The following SH3GL1 variants were observed in gnomAD, a reference collection of about 807,000 sequenced individuals.
The protein encoded by SH3GL1 is endophilin-A2.
In SH3GL1, 21 loss-of-function variants were observed where a neutral mutation model predicts 48.8. That is an observed-to-expected ratio of 0.43 (90% CI 0.30 to 0.62). The LOEUF (loss-of-function observed/expected upper bound fraction) is 0.62. Among genes scored for constraint, SH3GL1 ranks in the 20% least tolerant of loss-of-function variants. The pLI, the probability that SH3GL1 is intolerant of heterozygous loss-of-function variation, is 0.11. For synonymous variants in SH3GL1, 282 were observed against 217.5 expected, an observed-to-expected ratio of 1.30 and a Z score of -2.61; for missense variants, 454 against 503.0, an observed-to-expected ratio of 0.90 and a Z score of 0.93.
Position 4,400,500 on chromosome 19 carries a change from G to A in SH3GL1, c.-132C>T. The stretch of plus-strand genomic sequence containing the variant: ...CCACCCGCTTGCCAGCTCCGCGCCC[G>A]CCCCGGCGCCGCCTCAGCCGCTCGC... On this transcript the variant is annotated 5_prime_UTR_variant, in exon 1 of 10. Transcript: ENST00000269886. The surrounding 1 kb of genome is among the most constrained non-coding windows in gnomAD (Gnocchi z 4.1). 5 of 708,156 alleles carry A rather than the reference G, an allele frequency of 7.1e-6. No homozygotes were observed. The highest frequency in any genetic ancestry group is 1.2e-4 in the South Asian group (2 of 16,270). The allele number at this position is 708,156 out of a possible 1,614,324, so 43.9% of individuals were successfully genotyped here.
chr19:4,386,139 G>A (rs1263655567), intron 1 of SH3GL1, among the ~76,000 whole-genome samples: 2 of 152,210 alleles, frequency 1.3e-5, no homozygotes, highest in African/African-American at 4.8e-5. Context: ...ACAAAGGCTG[G>A]CCTTGAAGGG....
rs373084701 is a variant in SH3GL1 at position 4,364,185 on chromosome 19, C to T, written c.368G>A (p.Arg123His). 1.8e-5 allele frequency: 29 copies of T among 1,613,750 alleles called. No individual in the cohort carries two copies. Among genetic ancestry groups the T allele is most frequent in the East Asian group, 4.5e-5 (2 of 44,898 alleles). The part of the protein sequence containing the change: ...ALLDAGESMK[R>H]LAEVKDSLDI... Reference sequence around the variant, plus strand: ...CAGGGAGTCCTTCACCTCTGCCAGGCGCTTCATGGACTCGCCGGCATCCAG... The same window carrying T: ...CAGGGAGTCCTTCACCTCTGCCAGGTGCTTCATGGACTCGCCGGCATCCAG... Residue 123 changes from arginine to histidine, a missense_variant, in exon 5 of 10, where the codon CGC (arginine) becomes CAC (histidine). Physicochemically the swap from Arg to His is conservative, Grantham distance 29. This residue lies in a region of SH3GL1 where 176 missense variants were observed against 256.2 expected (regional missense o/e 0.69). Coordinates refer to ENST00000269886, the MANE Select transcript of SH3GL1 (RefSeq NM_003025.4).
At position 4,400,230 on chromosome 19, in the gene SH3GL1, C is replaced by T; in HGVS notation, c.45+94G>A. Reference sequence around the variant, plus strand: ...CACGCGCCAACGTCCCCACCTCGGTCCCCCCGGCCCCCTCCCGGGCCAGGT... The same window carrying T: ...CACGCGCCAACGTCCCCACCTCGGTTCCCCCGGCCCCCTCCCGGGCCAGGT... On this transcript the variant is annotated intron_variant, in intron 1 of 9. Coordinates refer to ENST00000269886, the MANE Select transcript of SH3GL1 (RefSeq NM_003025.4). This position sits in a 1 kb window ranked among gnomAD's most constrained non-coding sequence, Gnocchi z 4.1. 7.5e-7 allele frequency: 1 copy of T among 1,337,870 alleles called. No homozygotes were observed. Among genetic ancestry groups the T allele is most frequent in the South Asian group, 1.3e-5 (1 of 76,820 alleles). The allele number at this position is 1,337,870 out of a possible 1,614,324, so 82.9% of individuals were successfully genotyped here. A position where few individuals can be genotyped will look rare whatever the true frequency, so the allele number is the denominator to read the frequency against.
chr19:4,394,750 G>C (rs964489654), intron 1 of SH3GL1, among the ~76,000 whole-genome samples: 5 of 152,186 alleles, frequency 3.3e-5, no homozygotes, highest in Non-Finnish European at 1.5e-5. Flanking sequence ...ATTTAGAAAG[G>C]ACACCGTAAG....
intron 1 of SH3GL1, among the ~76,000 whole-genome samples, chr19:4,371,594 G>T (rs1340198573): frequency 6.6e-6 from 1 of 152,230 alleles, no homozygotes; most frequent in African/African-American, 2.4e-5. Context: ...GCGTGGGGGA[G>T]GGCAAGGGAG....
rs573662769 is a variant in SH3GL1, at chr19:4,363,731, G to C, written c.613C>G (p.Leu205Val). Residue 205 changes from leucine (L) to valine (V), a missense_variant, in exon 6 of 10, where the codon CTG becomes GTG. Physicochemically the swap from Leu to Val is conservative, Grantham distance 32 (BLOSUM62 1). Coordinates refer to ENST00000269886, the MANE Select transcript of SH3GL1 (RefSeq NM_003025.4). ...CCCGAGCTACTCACGTCAGTCTCCA[G>C]GAGGTTGTGCATGCTGGTTTCTGCC... ...EVAETSMHNLLETDIEQVSQL... is the reference protein window; with the variant it reads ...EVAETSMHNLVETDIEQVSQL... 4 of 1,613,470 alleles carry C rather than the reference G, an allele frequency of 2.5e-6. 1 individual carries two copies. The South Asian group carries it at 4.4e-5, about 18-fold the overall frequency.
At chr19:4,398,849 C>T (rs1973469030) in intron 1 of SH3GL1, among the ~76,000 whole-genome samples, 3 of 152,182 alleles carry the variant, frequency 2.0e-5, no homozygotes, top group African/African-American at 4.8e-5. Context: ...CAGCATTCTA[C>T]TTCTGGGAAT....
At chr19:4,393,788 T>G (rs937654771) in intron 1 of SH3GL1, among the ~76,000 whole-genome samples, 2 of 151,762 alleles carry the variant, frequency 1.3e-5, no homozygotes, top group African/African-American at 2.4e-5. Context: ...AGACTCTGTC[T>G]CAAACAAACA....
intron 1 of SH3GL1, among the ~76,000 whole-genome samples, chr19:4,399,776 G>A (rs1973488993): frequency 3.3e-5 from 5 of 152,206 alleles, no homozygotes. Flanking sequence ...TAAAGGAAAG[G>A]CACACACGTA....
At chr19:4,397,004 G>T (rs371515221) in intron 1 of SH3GL1, among the ~76,000 whole-genome samples, 1 of 152,204 alleles carries the variant, frequency 6.6e-6, no homozygotes, top group African/African-American at 2.4e-5. Context: ...CTCACATGGT[G>T]AGAACTCAAT....
intron 1 of SH3GL1, chr19:4,395,928 A>ATG (rs1027328592): frequency 1.3e-5 from 2 of 152,078 alleles, no homozygotes; most frequent in African/African-American, 4.8e-5. Context: ...ATATATATAT[A>ATG]TACAGTTGTC....
chr19:4,361,301 C>A lies in SH3GL1; in HGVS notation c.*299G>T. 2.1e-6 allele frequency: 1 copy of A among 484,264 alleles called. No individual in the cohort carries two copies. The highest frequency in any genetic ancestry group is 2.6e-5 in the South Asian group (1 of 38,866). The allele number at this position is 484,264 out of a possible 1,614,324, so 30.0% of individuals were successfully genotyped here. A position where few individuals can be genotyped will look rare whatever the true frequency, so the allele number is the denominator to read the frequency against. The stretch of plus-strand genomic sequence containing the variant: ...CTAAGAGCACCTTAGTGTTGCCCCG[C>A]CTCGGCCAGCTGGGCGAGAAGTTGG... On this transcript the variant is annotated 3_prime_UTR_variant, in exon 10 of 10. Coordinates refer to ENST00000269886, the MANE Select transcript of SH3GL1 (RefSeq NM_003025.4).
intron 4 of SH3GL1, among the ~76,000 whole-genome samples, chr19:4,364,866 T>TTGTGTGTGTGTGTGTGGGTGTGTGTGTG (rs1972729831): frequency 1.0e-5 from 1 of 97,168 alleles, no homozygotes; most frequent in African/African-American, 5.3e-5. Flanking sequence ...ACCCGGCTAA[T>TTGTGTGTGTGTGTGTGGGTGTGTGTGTG]TGTGTGTGTG....
intron 1 of SH3GL1, among the ~76,000 whole-genome samples, chr19:4,374,580 A>C (rs1199268264): frequency 6.6e-6 from 1 of 152,184 alleles, no homozygotes; most frequent in Non-Finnish European, 1.5e-5. Flanking sequence ...CGTCCGCCCT[A>C]GATGGGGCAA....
intron 1 of SH3GL1, among the ~76,000 whole-genome samples, chr19:4,392,518 TCACACACACACACACACACACACACACA>T (rs60108906): frequency 2.7e-4 from 37 of 137,862 alleles, no homozygotes; most frequent in South Asian, 1.5e-3. Flanking sequence ...CAAGACTCCG[TCACACACACACACACACACACACACACA>T]CACACACACA....
At chr19:4,373,067 A>G (rs958108699) in intron 1 of SH3GL1, among the ~76,000 whole-genome samples, 29 of 152,184 alleles carry the variant, frequency 1.9e-4, no homozygotes, top group Admixed American at 6.5e-4. Flanking sequence ...GAAAAGCAGG[A>G]GTAGTCATTC....
chr19:4,397,384 A>T (rs985376481), intron 1 of SH3GL1, among the ~76,000 whole-genome samples: 7 of 152,204 alleles, frequency 4.6e-5, no homozygotes. Flanking sequence ...CCATTCACAG[A>T]TCTGAACGCA....
At chr19:4,382,432 T>C (rs969576844) in intron 1 of SH3GL1, among the ~76,000 whole-genome samples, 3 of 151,760 alleles carry the variant, frequency 2.0e-5, no homozygotes, top group African/African-American at 7.3e-5. Flanking sequence ...TAATTTTTTG[T>C]ATTTTTAGTA....
rs545239385 is a variant in SH3GL1, at chr19:4,400,465, G to A, written c.-97C>T. 2.1e-4 allele frequency: 234 copies of A among 1,089,220 alleles called. No individual in the cohort carries two copies. The African/African-American group carries it at 3.5e-3, about 16-fold the overall frequency. 67.5% of individuals were successfully genotyped at this position (1,089,220 alleles called of 1,614,324 possible). A position where few individuals can be genotyped will look rare whatever the true frequency, so the allele number is the denominator to read the frequency against. On this transcript the variant is annotated 5_prime_UTR_variant, in exon 1 of 10. Transcript: ENST00000269886. This position sits in a 1 kb window ranked among gnomAD's most constrained non-coding sequence, Gnocchi z 4.1. ...GCGCGCCTCAGCAGTCCCCGTCGGC[G>A]CCGCCTCCGCCACCCGCTTGCCAGC... is the stretch of plus-strand genomic sequence containing the variant.
Sources: allele counts gnomAD v4.1 joint callset (sites outside exome capture counted in the v4.1 genomes callset), GRCh38; gene constraint gnomAD v4.1.1; regional missense constraint gnomAD v4.1.1; non-coding constraint Gnocchi (gnomAD v3.1); transcripts MANE v1.5; gene names NCBI Gene and HGNC (gene_info 2026-07-23, HGNC 2026-07-21).